SPATA3: variants seen among roughly 807,000 people sequenced by gnomAD.
The protein encoded by SPATA3 is spermatogenesis-associated protein 3.
In SPATA3, 6 loss-of-function variants were observed where a neutral mutation model predicts 5.7. The observed-to-expected ratio is 1.06, with a 90% CI of 0.58 to 2.09. The LOEUF is 2.09. SPATA3 is among the 30% of genes most tolerant of loss of function. The probability of loss-of-function intolerance (pLI) is 0.00; values close to 1 mark genes in which losing one functional copy is unlikely to be tolerated. For missense variants in SPATA3, 155 were observed against 130.4 expected (o/e 1.19, Z -0.92); for synonymous variants, 44 against 48.4 (o/e 0.91, Z 0.37).
chr2:231,005,493 CCACCAT>C (rs1692577553), downstream of SPATA3, among the ~76,000 whole-genome samples: 5 of 808 alleles, frequency 6.2e-3, no homozygotes, highest in Non-Finnish European at 8.7e-3. Context: ...ACCACCATCA[CCACCAT>C]CATCACCACC....
At chr2:230,996,610 T>C (rs1692132775) in intron 1 of SPATA3, 76 bp downstream of exon 1, 2 of 1,494,242 alleles carry the variant, frequency 1.3e-6, no homozygotes, top group Non-Finnish European at 1.8e-6. Flanking sequence ...GGCTGGTTCT[T>C]GTAGGATAGT....
At chr2:231,017,111 A>G (rs1010340209) in intron 6 of SPATA3, among the ~76,000 whole-genome samples, 24 of 152,316 alleles carry the variant, frequency 1.6e-4, no homozygotes, top group South Asian at 6.2e-4. Flanking sequence ...CTTAGTGCCC[A>G]TGGTACTGCT....
At chr2:230,996,257 G>A (rs373987945) in intron 1 of SPATA3, 7 of 1,500,764 alleles carry the variant, frequency 4.7e-6, no homozygotes, top group Non-Finnish European at 5.3e-6. Flanking sequence ...AGAAGAAAAG[G>A]TCAGAGGCCA....
At chr2:230,997,503 T>C (rs1468226544) in intron 1 of SPATA3, among the ~76,000 whole-genome samples, 1 of 152,252 alleles carries the variant, frequency 6.6e-6, no homozygotes, top group Admixed American at 6.5e-5. Context: ...AGTTAAATTT[T>C]AATTTTAGTA....
At chr2:231,009,183 C>T (rs1692717083), downstream of SPATA3, among the ~76,000 whole-genome samples, 1 of 152,192 alleles carries the variant, frequency 6.6e-6, no homozygotes, top group South Asian at 2.1e-4. Context: ...GGAATGGACG[C>T]TGGGCAGCTA....
At chr2:231,018,563 G>T (rs1039893506) in intron 6 of SPATA3, among the ~76,000 whole-genome samples, 1 of 152,098 alleles carries the variant, frequency 6.6e-6, no homozygotes, top group South Asian at 2.1e-4. Flanking sequence ...TTTATCTATT[G>T]CCCATTTATT....
downstream of SPATA3, among the ~76,000 whole-genome samples, chr2:231,004,501 G>A (rs1692465209): frequency 6.6e-6 from 1 of 152,162 alleles, no homozygotes; most frequent in Non-Finnish European, 1.5e-5. Context: ...GTCTAGTGGG[G>A]ACAATAATAA....
At chr2:231,002,083 G>C (rs1043303549) in intron 2 of SPATA3, among the ~76,000 whole-genome samples, 2 of 152,220 alleles carry the variant, frequency 1.3e-5, no homozygotes, top group Admixed American at 6.5e-5. Context: ...AAGACATGTA[G>C]TTTTAATTCT....
chr2:230,996,131 C>A, intron 1 of SPATA3: 1 of 1,300,990 alleles, frequency 7.7e-7, no homozygotes, highest in South Asian at 1.5e-5. Context: ...AGCTGGAGGC[C>A]CAAGCCAGGC....
intron 6 of SPATA3, among the ~76,000 whole-genome samples, chr2:231,017,948 A>G (rs1692973732): frequency 6.6e-6 from 1 of 151,098 alleles, no homozygotes; most frequent in Non-Finnish European, 1.5e-5. Context: ...TCTTTTAGAC[A>G]GGGTCTCACT....
rs12987523 is a variant in SPATA3 at position 231,018,830 on chromosome 2, A to T, written c.*566-890A>T. On this transcript the variant is annotated intron_variant, in intron 6 of 8. Coordinates refer to the SPATA3 transcript ENST00000452881. ...CTCCCAAGTAGCTGGGATTACAGGC[A>T]CGTGCCACCACACCCAGCTAATTTT... is the stretch of plus-strand genomic sequence containing the variant. 1.4e-4 allele frequency among the ~76,000 whole-genome samples: 21 copies of T among 151,568 alleles called. No homozygotes were observed. In the East Asian group the frequency reaches 4.1e-3, roughly 29 times the overall value.
downstream of SPATA3, among the ~76,000 whole-genome samples, chr2:231,010,803 C>T (rs187703314): frequency 6.6e-6 from 1 of 151,926 alleles, no homozygotes; most frequent in Admixed American, 6.6e-5. Context: ...TGCAGTGGCT[C>T]ACGCCTGTAA....
intron 1 of SPATA3, among the ~76,000 whole-genome samples, chr2:230,997,121 G>T (rs1002981331): frequency 2.6e-5 from 4 of 152,174 alleles, no homozygotes; most frequent in African/African-American, 7.2e-5. Flanking sequence ...ATGTGGTTTG[G>T]CTGTGTCCCC....
At chr2:231,018,166 C>T (rs1340728496) in intron 6 of SPATA3, among the ~76,000 whole-genome samples, 1 of 152,104 alleles carries the variant, frequency 6.6e-6, no homozygotes, top group Non-Finnish European at 1.5e-5. Flanking sequence ...CTCAGGTGAT[C>T]CGCCCGCCTC....
intron 5 of SPATA3, among the ~76,000 whole-genome samples, chr2:231,013,613 C>T (rs1369354128): frequency 6.6e-6 from 1 of 152,134 alleles, no homozygotes; most frequent in African/African-American, 2.4e-5. Context: ...GCCTCAGCCT[C>T]CCAAGTAGCT....
chr2:230,999,537 G>A (rs1390518052), intron 1 of SPATA3: 1 of 152,668 alleles, frequency 6.6e-6, no homozygotes, highest in African/African-American at 2.4e-5. Flanking sequence ...GTTTCATGCA[G>A]CTTAGGGTCA....
chr2:231,004,249 C>G (rs1169003879), downstream of SPATA3: 2 of 152,220 alleles, frequency 1.3e-5, no homozygotes, highest in Non-Finnish European at 2.9e-5. Flanking sequence ...TGGCAAGAAC[C>G]TCAGTTTCCT....
downstream of SPATA3, chr2:231,002,925 C>T (rs1692407887): frequency 6.0e-6 from 3 of 503,334 alleles, no homozygotes; most frequent in South Asian, 1.6e-4. Flanking sequence ...GTGACTCCCT[C>T]CTGGCCTCAG....
chr2:231,003,435 C>T (rs1207573867), downstream of SPATA3, among the ~76,000 whole-genome samples: 1 of 152,144 alleles, frequency 6.6e-6, no homozygotes, highest in Non-Finnish European at 1.5e-5. Flanking sequence ...TGAGGAGGTG[C>T]TCTCAGGGAG....
Sources: allele counts gnomAD v4.1 joint callset (sites outside exome capture counted in the v4.1 genomes callset), GRCh38; gene constraint gnomAD v4.1.1; transcripts MANE v1.5; gene names NCBI Gene and HGNC (gene_info 2026-07-23, HGNC 2026-07-21).